The following BCAR3 variants were observed in gnomAD, a reference collection of about 807,000 sequenced individuals.
BCAR3 encodes the protein BCAR3 adaptor protein, NSP family member.
Under a neutral mutation model 80.1 loss-of-function variants are expected in BCAR3, and 37 were observed. The ratio of observed to expected loss-of-function variants is 0.46; its 90% CI spans 0.36 to 0.61. BCAR3 has a LOEUF of 0.61. Ranked by LOEUF, BCAR3 falls within the 20% of genes least tolerant of loss-of-function variation. BCAR3 has a pLI of 0.00. For synonymous variants in BCAR3, 389 were observed against 418.9 expected (o/e 0.93, Z 0.87); for missense variants, 978 against 1,068.2 (o/e 0.92, Z 1.18).
intron 2 of BCAR3, among the ~76,000 whole-genome samples, chr1:93,785,293 G>T (rs1652900350): frequency 6.6e-6 from 1 of 152,182 alleles, no homozygotes; most frequent in African/African-American, 2.4e-5. Flanking sequence ...AAACCTCAAA[G>T]TCAAATGCTT....
upstream of BCAR3, among the ~76,000 whole-genome samples, chr1:93,682,391 T>C (rs899608455): frequency 6.6e-6 from 1 of 152,208 alleles, no homozygotes; most frequent in Non-Finnish European, 1.5e-5. Flanking sequence ...AGTAGAAGGA[T>C]AGACAAACTG....
intron 2 of BCAR3, among the ~76,000 whole-genome samples, chr1:93,779,217 A>G (rs181286979): frequency 6.6e-6 from 1 of 152,366 alleles, no homozygotes; most frequent in Admixed American, 6.5e-5. Context: ...AAATCGTTAG[A>G]GTAGCAACAA....
At chr1:93,611,043 G>A (rs918006481) in intron 3 of BCAR3, among the ~76,000 whole-genome samples, 2 of 152,140 alleles carry the variant, frequency 1.3e-5, no homozygotes, top group Non-Finnish European at 2.9e-5. Flanking sequence ...CTGCGGAAAG[G>A]GTAAATTATT....
chr1:93,609,977 C>G (rs1170149750), intron 3 of BCAR3, among the ~76,000 whole-genome samples: 1 of 152,206 alleles, frequency 6.6e-6, no homozygotes, highest in Non-Finnish European at 1.5e-5. Flanking sequence ...CTAAAGAGAG[C>G]AACACCAAAT....
At chr1:93,680,330 A>T (rs114037529) in intron 1 of BCAR3, among the ~76,000 whole-genome samples, 49 of 152,284 alleles carry the variant, frequency 3.2e-4, no homozygotes, top group African/African-American at 1.2e-3. Flanking sequence ...AGAAAGTTGG[A>T]GTTGGAGTGG....
At chr1:93,738,503 G>A (rs1320942276) in intron 2 of BCAR3, among the ~76,000 whole-genome samples, 2 of 152,254 alleles carry the variant, frequency 1.3e-5, no homozygotes, top group Admixed American at 1.3e-4. Context: ...AGGATGAGCT[G>A]CACTGGGAAG....
At chr1:93,609,555 A>C (rs1438235464) in intron 3 of BCAR3, among the ~76,000 whole-genome samples, 3 of 152,220 alleles carry the variant, frequency 2.0e-5, no homozygotes, top group African/African-American at 7.2e-5. Flanking sequence ...TCCCCTGTCC[A>C]CAAAAATACC....
chr1:93,753,715 T>A (rs1285451405), intron 2 of BCAR3: 1 of 152,230 alleles, frequency 6.6e-6, no homozygotes, highest in Admixed American at 6.5e-5. Context: ...CTTGCTGCCA[T>A]GGTTGGCTGC....
At chr1:93,724,497 C>T (rs1029704438) in intron 2 of BCAR3, among the ~76,000 whole-genome samples, 3 of 152,204 alleles carry the variant, frequency 2.0e-5, no homozygotes, top group African/African-American at 4.8e-5. Context: ...AGAAAGCTGC[C>T]GTAGATTCTT....
intron 7 of BCAR3, among the ~76,000 whole-genome samples, chr1:93,576,337 AAAG>A (rs1159042479): frequency 6.6e-6 from 1 of 152,254 alleles, no homozygotes; most frequent in Non-Finnish European, 1.5e-5. Flanking sequence ...CTTAGGGGGA[AAAG>A]AAAGACTGGT....
At chr1:93,841,831 T>G (rs1287053213) in intron 2 of BCAR3, among the ~76,000 whole-genome samples, 1 of 152,224 alleles carries the variant, frequency 6.6e-6, no homozygotes, top group Non-Finnish European at 1.5e-5. Flanking sequence ...TACCAGCACC[T>G]GCTGCAACCA....
At chr1:93,711,900 A>G (rs1005779483) in intron 2 of BCAR3, among the ~76,000 whole-genome samples, 3 of 152,098 alleles carry the variant, frequency 2.0e-5, no homozygotes, top group African/African-American at 7.2e-5. Context: ...AAAAAATGCA[A>G]TGCCAACTCT....
intron 2 of BCAR3, among the ~76,000 whole-genome samples, chr1:93,667,959 CAT>C (rs1314719983): frequency 6.6e-6 from 1 of 152,204 alleles, no homozygotes; most frequent in Non-Finnish European, 1.5e-5. Flanking sequence ...CGCAAATCCA[CAT>C]GTGATAAGAA....
chr1:93,735,166 G>A (rs539784837), intron 2 of BCAR3, among the ~76,000 whole-genome samples: 2 of 152,216 alleles, frequency 1.3e-5, no homozygotes, highest in African/African-American at 4.8e-5. Context: ...GGCCCTTTGG[G>A]TTTGGTGGAT....
At chr1:93,584,972 C>G (rs1479512238) in intron 5 of BCAR3, 28 of 982,124 alleles carry the variant, frequency 2.9e-5, no homozygotes, top group Non-Finnish European at 3.3e-5. Flanking sequence ...TCTTTCCTAC[C>G]TTTACAAGCA....
intron 2 of BCAR3, among the ~76,000 whole-genome samples, chr1:93,721,708 C>A (rs1043293863): frequency 2.0e-5 from 3 of 152,230 alleles, no homozygotes; most frequent in Admixed American, 6.5e-5. Context: ...TGCCTCTCAC[C>A]GATTCCAATG....
chr1:93,573,312 G>A (rs1389469811), intron 8 of BCAR3, among the ~76,000 whole-genome samples: 4 of 152,040 alleles, frequency 2.6e-5, no homozygotes, highest in Non-Finnish European at 4.4e-5. Context: ...AATGAGAATC[G>A]CTTGAACCCA....
At chr1:93,608,169 CAT>C (rs1439073201) in intron 3 of BCAR3, among the ~76,000 whole-genome samples, 1 of 152,222 alleles carries the variant, frequency 6.6e-6, no homozygotes, top group Admixed American at 6.5e-5. Flanking sequence ...AGACATGAAA[CAT>C]AGCACTTTCA....
intron 2 of BCAR3, among the ~76,000 whole-genome samples, chr1:93,730,861 G>A (rs1415888268): frequency 1.3e-5 from 2 of 152,212 alleles, no homozygotes; most frequent in African/African-American, 4.8e-5. Context: ...GTACAGAATG[G>A]AAAGTGGGGA....
Sources: gnomAD v4.1 joint callset for allele counts (sites outside exome capture counted in the v4.1 genomes callset) on GRCh38, gnomAD v4.1.1 for gene constraint, MANE v1.5 for transcripts, NCBI Gene and HGNC (gene_info 2026-07-23, HGNC 2026-07-21) for gene names.